Variants in COLEC12 observed in about 807,000 individuals in gnomAD.
COLEC12 encodes the protein collectin-12.
In COLEC12, 33 loss-of-function variants were observed where a neutral mutation model predicts 71.1. That is an observed-to-expected ratio of 0.46 (90% CI 0.35 to 0.62). COLEC12 has a LOEUF of 0.62. Ranked by LOEUF, COLEC12 falls within the 20% of genes least tolerant of loss-of-function variation. The pLI, the probability that COLEC12 is intolerant of heterozygous loss-of-function variation, is 0.00. For synonymous variants in COLEC12, 350 were observed against 353.0 expected (o/e 0.99, Z 0.10); for missense variants, 765 against 916.1 (o/e 0.84, Z 2.13).
chr18:479,524 A>G (rs1026714544), intron 2 of COLEC12, among the ~76,000 whole-genome samples: 3 of 147,164 alleles, frequency 2.0e-5, no homozygotes, highest in Non-Finnish European at 3.0e-5. Context: ...ATTCATTTTC[A>G]TACTCTCTCT....
At chr18:483,126 G>A (rs1917455546) in intron 1 of COLEC12, among the ~76,000 whole-genome samples, 1 of 152,026 alleles carries the variant, frequency 6.6e-6, no homozygotes, top group African/African-American at 2.4e-5. Flanking sequence ...ATGCTGTAGC[G>A]TGGTGGCTCA....
At chr18:390,289 T>C (rs962007823) in intron 2 of COLEC12, among the ~76,000 whole-genome samples, 1 of 150,232 alleles carries the variant, frequency 6.7e-6, no homozygotes, top group Non-Finnish European at 1.5e-5. Context: ...GGGCCATACC[T>C]CTCCTCCTTC....
chr18:410,140 C>G (rs111762265), intron 2 of COLEC12, among the ~76,000 whole-genome samples: 3 of 152,298 alleles, frequency 2.0e-5, no homozygotes, highest in African/African-American at 7.2e-5. Flanking sequence ...TTTCCTTTCA[C>G]ATAAACCCTA....
chr18:394,985 T>G (rs1028480422), intron 2 of COLEC12, among the ~76,000 whole-genome samples: 1 of 152,216 alleles, frequency 6.6e-6, no homozygotes, highest in East Asian at 1.9e-4. Context: ...AGTTAAAGGT[T>G]TGAGCAAGTG....
At chr18:435,226 C>T (rs1368837962) in intron 2 of COLEC12, among the ~76,000 whole-genome samples, 1 of 152,200 alleles carries the variant, frequency 6.6e-6, no homozygotes, top group Non-Finnish European at 1.5e-5. Context: ...TCCATTCTCA[C>T]ACTGCTATGA....
At chr18:373,337 C>CT (rs1407701453) in intron 2 of COLEC12, among the ~76,000 whole-genome samples, 1 of 152,190 alleles carries the variant, frequency 6.6e-6, no homozygotes, top group Non-Finnish European at 1.5e-5. Context: ...TCCCACGAGG[C>CT]TTTCGATCCT....
intron 1 of COLEC12, among the ~76,000 whole-genome samples, chr18:487,281 T>G (rs9941426): frequency 0.66 from 101,040 of 152,220 alleles, 34,445 homozygotes; most frequent in African/African-American, 0.8. Context: ...AAAGTCTAGA[T>G]TCAGAAAGCA....
chr18:352,105 C>T (rs2143489150), intron 3 of COLEC12, among the ~76,000 whole-genome samples: 1 of 152,324 alleles, frequency 6.6e-6, no homozygotes, highest in East Asian at 1.9e-4. Flanking sequence ...AAAATTACTA[C>T]ATAGACAGAG....
intron 2 of COLEC12, among the ~76,000 whole-genome samples, chr18:454,274 A>G (rs1465938507): frequency 1.3e-5 from 2 of 152,208 alleles, no homozygotes; most frequent in Admixed American, 6.5e-5. Context: ...TTTACTTCCC[A>G]CACACCATGA....
At chr18:333,773 A>T (rs1914039426) in intron 6 of COLEC12, 1 of 152,260 alleles carries the variant, frequency 6.6e-6, no homozygotes, top group African/African-American at 2.4e-5. Context: ...GAGCCCATCT[A>T]TCTCCAGAGT....
chr18:351,427 C>G (rs1308697072), intron 3 of COLEC12, among the ~76,000 whole-genome samples: 1 of 152,240 alleles, frequency 6.6e-6, no homozygotes, highest in East Asian at 1.9e-4. Flanking sequence ...TTATGGGACT[C>G]ACTGCACTGT....
chr18:460,945 T>C (rs139858860), intron 2 of COLEC12, among the ~76,000 whole-genome samples: 139 of 152,336 alleles, frequency 9.1e-4, no homozygotes, highest in Non-Finnish European at 1.5e-3. Context: ...TTTCTATTTG[T>C]GTGATGAGCT....
intron 2 of COLEC12, among the ~76,000 whole-genome samples, chr18:366,833 G>A (rs888705937): frequency 3.9e-5 from 6 of 152,286 alleles, no homozygotes; most frequent in South Asian, 2.1e-4. Context: ...CCTGTGGGCC[G>A]GGGTATGGAT....
chr18:368,899 C>CA (rs556033723), intron 2 of COLEC12, among the ~76,000 whole-genome samples: 32 of 152,076 alleles, frequency 2.1e-4, no homozygotes, highest in East Asian at 1.2e-3. Flanking sequence ...AAAAACAAAA[C>CA]AAAAAAAATT....
chr18:319,894 T>C lies in COLEC12; in HGVS notation c.*151A>G. On this transcript the variant is annotated 3_prime_UTR_variant, in exon 10 of 10. Coordinates refer to ENST00000400256, the MANE Select transcript of COLEC12 (RefSeq NM_130386.3). ...TCCCAAGTCTTTGGGTAATGACGGA[T>C]GGTAAAAAACACTAGCTGTCAATTT... The C allele has an allele frequency of 1.5e-6, 1 of 652,696 alleles. No individual in the cohort carries two copies. Among genetic ancestry groups the C allele is most frequent in the Non-Finnish European group, 2.7e-6 (1 of 366,064 alleles). 40.4% of individuals were successfully genotyped at this position (652,696 alleles called of 1,614,324 possible).
intron 2 of COLEC12, among the ~76,000 whole-genome samples, chr18:473,670 A>G (rs896563739): frequency 6.6e-6 from 1 of 152,120 alleles, no homozygotes; most frequent in Admixed American, 6.5e-5. Context: ...GCCTCAACTC[A>G]TATCTTTTAA....
At chr18:364,179 T>G (rs1233607435) in intron 2 of COLEC12, among the ~76,000 whole-genome samples, 2 of 150,346 alleles carry the variant, frequency 1.3e-5, no homozygotes, top group South Asian at 2.1e-4. Context: ...GGTTTTATTG[T>G]TTTTTTTAAG....
At chr18:462,826 C>T (rs1301531310) in intron 2 of COLEC12, among the ~76,000 whole-genome samples, 1 of 152,222 alleles carries the variant, frequency 6.6e-6, no homozygotes, top group Admixed American at 6.5e-5. Context: ...GATTTATAAG[C>T]ATTCTACCAA....
chr18:500,576 A>G lies in COLEC12; in HGVS notation c.-62T>C. ...CGCGCGAGCGCCGCGCAGCCGAGGA[A>G]GTCGTCCCGAGCGGCTGCTCACCGC... On this transcript the variant is annotated 5_prime_UTR_variant, in exon 1 of 10. Transcript: ENST00000400256. This position sits in a 1 kb window ranked among gnomAD's most constrained non-coding sequence, Gnocchi z 5.3. 1 of 1,204,188 alleles carries G rather than the reference A, an allele frequency of 8.3e-7. No homozygotes were observed. Among genetic ancestry groups the G allele is most frequent in the Non-Finnish European group, 1.0e-6 (1 of 969,258 alleles). 74.6% of individuals were successfully genotyped at this position (1,204,188 alleles called of 1,614,324 possible).
Sources: allele counts gnomAD v4.1 joint callset (sites outside exome capture counted in the v4.1 genomes callset), GRCh38; gene constraint gnomAD v4.1.1; non-coding constraint Gnocchi (gnomAD v3.1); transcripts MANE v1.5; gene names NCBI Gene and HGNC (gene_info 2026-07-23, HGNC 2026-07-21).